The following PRKCE variants were observed in gnomAD, a reference collection of about 807,000 sequenced individuals.
PRKCE encodes the protein protein kinase C epsilon type.
Under a neutral mutation model 85.4 loss-of-function variants are expected in PRKCE, and 16 were observed. The observed-to-expected ratio is 0.19, with a 90% CI of 0.13 to 0.28. The LOEUF is 0.28. Among genes scored for constraint, PRKCE ranks in the 10% least tolerant of loss-of-function variants. The pLI is 1.00. For synonymous variants in PRKCE, 388 were observed against 371.5 expected (o/e 1.04, Z -0.51); for missense variants, 573 against 975.2 (o/e 0.59, Z 5.49).
chr2:46,103,385 A>C (rs1327497957), intron 11 of PRKCE, among the ~76,000 whole-genome samples: 1 of 152,212 alleles, frequency 6.6e-6, no homozygotes, highest in African/African-American at 2.4e-5. Context: ...ATAGAAACCA[A>C]AATCTAGGTG....
chr2:46,093,762 T>A (rs2345956), intron 11 of PRKCE, among the ~76,000 whole-genome samples: 104,688 of 151,676 alleles, frequency 0.69, 38,230 homozygotes, highest in East Asian at 0.84. Context: ...GAAAATGAGG[T>A]TTTAGTTCCG....
At position 46,086,367 on chromosome 2, in the gene PRKCE, C is replaced by T; in HGVS notation, c.1592+5C>T. On this transcript the variant is annotated splice_donor_5th_base_variant and intron_variant, in intron 11 of 14. Transcript: ENST00000306156. ...CCAGCATGGAGTCATCTACAGGTAGCCTCTTCTCTCCTCCTCTTTCCTGAA... is the reference window on the plus strand; with the variant it reads ...CCAGCATGGAGTCATCTACAGGTAGTCTCTTCTCTCCTCCTCTTTCCTGAA... 1 of 1,595,670 alleles carries T rather than the reference C, an allele frequency of 6.3e-7. No individual in the cohort carries two copies. Among genetic ancestry groups the T allele is most frequent in the South Asian group, 1.1e-5 (1 of 90,706 alleles).
intron 9 of PRKCE, 88 bp downstream of exon 9, chr2:46,007,749 C>T (rs951871783): frequency 7.3e-5 from 101 of 1,389,910 alleles, no homozygotes; most frequent in Non-Finnish European, 9.4e-5. Context: ...AGAGAGGAAC[C>T]TTTCAGCCTG....
Position 46,007,489 on chromosome 2 carries a change from G to T in PRKCE, c.1091G>T (p.Arg364Leu). 6.3e-7 allele frequency: 1 copy of T among 1,599,758 alleles called. No individual in the cohort carries two copies. Among genetic ancestry groups the T allele is most frequent in the Non-Finnish European group, 8.5e-7 (1 of 1,179,952 alleles). The change falls in exon 9 of 15, where the codon CGG (arginine) becomes CTG (leucine). Residue 364 changes from arginine to leucine, a missense_variant. Arg to Leu is a moderately radical substitution (Grantham distance 102, BLOSUM62 -2). Around this residue, in one of 11 missense-constraint regions of PRKCE, gnomAD observed 117 missense variants for 104.8 expected, o/e 1.12. Transcript: ENST00000306156. ...ATAAAAGAACTTGAGAACAACATTC[G>T]GAAAGCCTTGTCATTTGACAACCGA... ...QEIKELENNI[R>L]KALSFDNRGE...
intron 1 of PRKCE, among the ~76,000 whole-genome samples, chr2:45,772,952 G>A (rs75223054): frequency 0.053 from 8,111 of 152,198 alleles, 248 homozygotes; most frequent in Non-Finnish European, 0.067. Flanking sequence ...AGTGGTGATG[G>A]CAGGTGGCTG....
intron 1 of PRKCE, among the ~76,000 whole-genome samples, chr2:45,821,462 G>C (rs1450568394): frequency 1.3e-5 from 2 of 152,164 alleles, no homozygotes; most frequent in African/African-American, 4.8e-5. Flanking sequence ...AACCTACCTG[G>C]GGACTAGTAG....
intron 2 of PRKCE, among the ~76,000 whole-genome samples, chr2:45,871,923 C>A (rs765765223): frequency 6.6e-6 from 1 of 152,244 alleles, no homozygotes; most frequent in Middle Eastern, 3.4e-3. Context: ...GCAGCTAGAG[C>A]AGAACTCCTG....
intron 1 of PRKCE, among the ~76,000 whole-genome samples, chr2:45,715,732 C>T (rs1573038040): frequency 2.0e-5 from 3 of 152,064 alleles, no homozygotes; most frequent in South Asian, 2.1e-4. Context: ...TTCTGAGAGC[C>T]CTCTGTCTTC....
At chr2:46,081,146 G>A (rs757755534) in intron 10 of PRKCE, among the ~76,000 whole-genome samples, 3 of 151,918 alleles carry the variant, frequency 2.0e-5, no homozygotes, top group Non-Finnish European at 2.9e-5. Context: ...CGTGCACCAC[G>A]ATGCCTGGCT....
At position 46,159,871 on chromosome 2, in the gene PRKCE, G is replaced by C; in HGVS notation, c.2067+119G>C. On this transcript the variant is annotated intron_variant, in intron 14 of 14. Transcript: ENST00000306156. The surrounding 1 kb of genome is among the most constrained non-coding windows in gnomAD (Gnocchi z 4.1). ...TGCGTATTACAGTAAAAATGACAAA[G>C]ACCAGAGGTGGCTGAGGCTCTCCCT... The C allele has an allele frequency of 7.5e-7, 1 of 1,331,558 alleles. No individual in the cohort carries two copies. Among genetic ancestry groups the C allele is most frequent in the Non-Finnish European group, 1.0e-6 (1 of 976,218 alleles). 82.5% of individuals were successfully genotyped at this position (1,331,558 alleles called of 1,614,324 possible). A position where few individuals can be genotyped will look rare whatever the true frequency, so the allele number is the denominator to read the frequency against.
At chr2:45,998,975 C>A (rs915746750) in intron 6 of PRKCE, among the ~76,000 whole-genome samples, 1 of 152,112 alleles carries the variant, frequency 6.6e-6, no homozygotes, top group Non-Finnish European at 1.5e-5. Context: ...TATCCTAATT[C>A]CTCCCTGCCA....
chr2:46,029,267 A>G (rs1454249945), intron 10 of PRKCE, among the ~76,000 whole-genome samples: 4 of 152,230 alleles, frequency 2.6e-5, no homozygotes, highest in African/African-American at 9.6e-5. Context: ...AAGTGGTAGA[A>G]TTGGATTTGA....
intron 2 of PRKCE, among the ~76,000 whole-genome samples, chr2:45,891,255 G>T (rs752657835): frequency 6.6e-6 from 1 of 152,186 alleles, no homozygotes; most frequent in Non-Finnish European, 1.5e-5. Flanking sequence ...CAGAAAGAGC[G>T]ACCAGAAATG....
intron 6 of PRKCE, among the ~76,000 whole-genome samples, chr2:45,985,304 C>T (rs139399120): frequency 3.9e-5 from 6 of 152,124 alleles, no homozygotes; most frequent in East Asian, 1.9e-4. Flanking sequence ...CCGTGCCACC[C>T]GCAAACAGCG....
intron 12 of PRKCE, among the ~76,000 whole-genome samples, chr2:46,147,729 C>T (rs938992371): frequency 6.6e-6 from 1 of 152,194 alleles, no homozygotes; most frequent in Non-Finnish European, 1.5e-5. Flanking sequence ...CAGTGCCCAG[C>T]CCACAGGGAG....
intron 2 of PRKCE, among the ~76,000 whole-genome samples, chr2:45,933,698 G>C (rs1032607536): frequency 6.6e-6 from 1 of 151,802 alleles, no homozygotes; most frequent in African/African-American, 2.4e-5. Flanking sequence ...GGATGGTCTC[G>C]ATCTCCTGAC....
rs535215396 is a variant in PRKCE, at chr2:46,107,780, T to A, written c.1592+21418T>A. ...TAGGTGGGTAGTGGTGTCTAATTGT[T>A]GTAATTTGCAATTCACTAATGATAA... On this transcript the variant is annotated intron_variant, in intron 11 of 14. Coordinates refer to ENST00000306156, the MANE Select transcript of PRKCE (RefSeq NM_005400.3). Among the ~76,000 whole-genome samples the A allele has an allele frequency of 5.9e-4, 90 of 152,226 alleles. 1 individual carries two copies. Among genetic ancestry groups the A allele is most frequent in the Non-Finnish European group, 1.0e-3 (70 of 68,032 alleles).
At chr2:45,921,374 A>C (rs1698236113) in intron 2 of PRKCE, among the ~76,000 whole-genome samples, 1 of 152,262 alleles carries the variant, frequency 6.6e-6, no homozygotes, top group Non-Finnish European at 1.5e-5. Context: ...AGATATAGTT[A>C]GCAGAGCCCT....
chr2:45,771,700 GGCGTGT>G (rs1685343298), intron 1 of PRKCE, among the ~76,000 whole-genome samples: 1 of 94,590 alleles, frequency 1.1e-5, no homozygotes, highest in Admixed American at 1.2e-4. Context: ...TACAGAGTGG[GGCGTGT>G]GTGTGTGTGT....
Sources: gnomAD v4.1 joint callset for allele counts (sites outside exome capture counted in the v4.1 genomes callset) on GRCh38, gnomAD v4.1.1 for gene constraint, gnomAD v4.1.1 regional missense constraint, Gnocchi (gnomAD v3.1) non-coding constraint, MANE v1.5 for transcripts, NCBI Gene and HGNC (gene_info 2026-07-23, HGNC 2026-07-21) for gene names.